The following TLR6 variants were observed in gnomAD, a reference collection of about 807,000 sequenced individuals.
TLR6 encodes the protein toll-like receptor 6.
Under a neutral mutation model 16.1 loss-of-function variants are expected in TLR6, and 9 were observed. That is an observed-to-expected ratio of 0.56 (90% CI 0.34 to 0.98). TLR6 has a LOEUF of 0.98. TLR6 is among the 50% of genes least tolerant of loss of function. TLR6 has a pLI of 0.02. For missense variants in TLR6, 786 were observed against 921.0 expected (o/e 0.85, Z 1.90); for synonymous variants, 340 against 338.6 (o/e 1.00, Z -0.04).
At chr4:38,845,735 T>G (rs556733054) in intron 1 of TLR6, among the ~76,000 whole-genome samples, 1 of 152,280 alleles carries the variant, frequency 6.6e-6, no homozygotes, top group African/African-American at 2.4e-5. Flanking sequence ...TGTAAGATAA[T>G]AAATGTATAT....
intron 1 of TLR6, among the ~76,000 whole-genome samples, chr4:38,841,704 G>C (rs6817037): frequency 6.6e-6 from 1 of 152,232 alleles, no homozygotes; most frequent in Non-Finnish European, 1.5e-5. Context: ...ACCCATCACA[G>C]TTTTTGATCA....
upstream of TLR6, among the ~76,000 whole-genome samples, chr4:38,858,820 AG>A (rs1414635002): frequency 2.0e-4 from 23 of 117,436 alleles, no homozygotes; most frequent in East Asian, 2.9e-3. Flanking sequence ...AGAGGGAGAG[AG>A]AGAGAGAGAG....
intron 1 of TLR6, among the ~76,000 whole-genome samples, chr4:38,843,090 C>T (rs1005465699): frequency 7.9e-5 from 12 of 152,176 alleles, no homozygotes; most frequent in Non-Finnish European, 1.6e-4. Flanking sequence ...TCTCAGGGCC[C>T]AGAAAGCCTC....
chr4:38,859,927 A>G (rs1579265870), upstream of TLR6, among the ~76,000 whole-genome samples: 1 of 152,184 alleles, frequency 6.6e-6, no homozygotes, highest in East Asian at 1.9e-4. Context: ...ATATGTATAT[A>G]TGTCTTAATT....
At chr4:38,842,392 A>G (rs1044525029) in intron 1 of TLR6, among the ~76,000 whole-genome samples, 1 of 152,220 alleles carries the variant, frequency 6.6e-6, no homozygotes, top group Admixed American at 6.5e-5. Flanking sequence ...ATCACCATTC[A>G]TGGAGCCAGT....
At chr4:38,827,874 T>C in exon 2 of TLR6, 1 of 1,614,230 alleles carries the variant, frequency 6.2e-7, no homozygotes, top group South Asian at 1.1e-5. Flanking sequence ...AGCTCACAGG[T>C]ACATTGGAAT....
chr4:38,839,247 A>G (rs1317563173), intron 1 of TLR6, among the ~76,000 whole-genome samples: 1 of 152,036 alleles, frequency 6.6e-6, no homozygotes, highest in Non-Finnish European at 1.5e-5. Flanking sequence ...ATATTCCAGG[A>G]AAGGCAAAAC....
intron 1 of TLR6, among the ~76,000 whole-genome samples, chr4:38,845,580 A>G (rs927016310): frequency 3.9e-5 from 6 of 152,216 alleles, no homozygotes; most frequent in Admixed American, 6.5e-5. Context: ...GAAGGGGACT[A>G]TGAGTCAAGA....
intron 1 of TLR6, among the ~76,000 whole-genome samples, chr4:38,847,604 C>T (rs148474263): frequency 0.19 from 29,592 of 152,058 alleles, 3,861 homozygotes; most frequent in Non-Finnish European, 0.28. Flanking sequence ...GCTTTTCCAA[C>T]GGTCTTAGCA....
chr4:38,867,201 G>C, the TLR6 span, among the ~76,000 whole-genome samples: 3 of 152,074 alleles, frequency 2.0e-5, no homozygotes, highest in African/African-American at 7.2e-5. Flanking sequence ...GATTGTCTCC[G>C]GCTTCCCCCC....
rs1712540450 is a variant in TLR6, at chr4:38,846,587, TGGAGA to T, written c.-65+10169_-65+10173del. On this transcript the variant is annotated intron_variant, in intron 1 of 1. Coordinates refer to ENST00000436693, the Ensembl canonical transcript of TLR6. ...GATCCATATCTGAATTCCCAGAGGA[TGGAGA>T]GTTTAAAAAGAAATTAACTCTAAAA... 2.0e-5 allele frequency among the ~76,000 whole-genome samples: 3 copies of T among 152,128 alleles called. No individual in the cohort carries two copies. The South Asian group carries it at 6.2e-4, about 32-fold the overall frequency.
the TLR6 span, among the ~76,000 whole-genome samples, chr4:38,864,293 C>T: frequency 6.6e-6 from 1 of 152,136 alleles, no homozygotes; most frequent in Non-Finnish European, 1.5e-5. Flanking sequence ...TTCTTTTGTA[C>T]TCCAAGCACC....
chr4:38,863,730 T>C, the TLR6 span, among the ~76,000 whole-genome samples: 1 of 152,200 alleles, frequency 6.6e-6, no homozygotes, highest in African/African-American at 2.4e-5. Context: ...ACTACTCCCA[T>C]GGTGGTCAAA....
chr4:38,848,586 G>A (rs1041175630), intron 1 of TLR6, among the ~76,000 whole-genome samples: 1 of 152,206 alleles, frequency 6.6e-6, no homozygotes, highest in Non-Finnish European at 1.5e-5. Flanking sequence ...GTCCTTAAAG[G>A]ACCTGATGGA....
chr4:38,858,182 AACAG>A (rs200800564), upstream of TLR6, among the ~76,000 whole-genome samples: 536 of 151,928 alleles, frequency 3.5e-3, 6 homozygotes, highest in Admixed American at 0.019. Context: ...CAAACAAAGA[AACAG>A]ACAGTACTGG....
At chr4:38,843,228 C>G (rs1189816796) in intron 1 of TLR6, among the ~76,000 whole-genome samples, 2 of 152,324 alleles carry the variant, frequency 1.3e-5, no homozygotes, top group Admixed American at 6.5e-5. Context: ...ATGACTGAGA[C>G]AAAGGACTGG....
intron 1 of TLR6, among the ~76,000 whole-genome samples, chr4:38,836,308 T>C (rs1011738850): frequency 4.6e-5 from 7 of 152,064 alleles, no homozygotes; most frequent in African/African-American, 1.4e-4. Flanking sequence ...TTACAACTGA[T>C]ACCACAGAAA....
intron 1 of TLR6, among the ~76,000 whole-genome samples, chr4:38,846,296 T>C (rs6531673): frequency 0.59 from 89,962 of 151,908 alleles, 27,943 homozygotes; most frequent in African/African-American, 0.79. Flanking sequence ...AAGTTAATAC[T>C]CAACTAAACA....
chr4:38,827,758 T>C (rs1300094232), exon 2 of TLR6: 9 of 1,614,124 alleles, frequency 5.6e-6, no homozygotes, highest in South Asian at 3.3e-5. Flanking sequence ...GAAAGTCCTT[T>C]AGTGGGCTTC....
Sources: gnomAD v4.1 joint callset for allele counts (sites outside exome capture counted in the v4.1 genomes callset) on GRCh38, gnomAD v4.1.1 for gene constraint, MANE v1.5 for transcripts, NCBI Gene and HGNC (gene_info 2026-07-23, HGNC 2026-07-21) for gene names.